Variants in IRAK2 observed in about 807,000 individuals in gnomAD.
IRAK2 encodes the protein interleukin-1 receptor-associated kinase-like 2.
IRAK2 carries 57 observed loss-of-function variants against 72.0 expected under a neutral mutation model. The ratio of observed to expected loss-of-function variants is 0.79; its 90% CI spans 0.64 to 0.99. The LOEUF is 0.99. IRAK2 is among the 50% of genes least tolerant of loss of function. The pLI, the probability that IRAK2 is intolerant of heterozygous loss-of-function variation, is 0.00. For missense variants in IRAK2, 790 were observed against 794.4 expected (o/e 0.99, Z 0.07); for synonymous variants, 293 against 312.7 (o/e 0.94, Z 0.67).
intron 4 of IRAK2, among the ~76,000 whole-genome samples, chr3:10,211,127 T>C (rs1470828802): frequency 1.3e-5 from 2 of 151,766 alleles, no homozygotes; most frequent in Admixed American, 1.3e-4. Context: ...CATCCCAAAG[T>C]GCTGGGATTA....
rs1293317610 is a variant in IRAK2 at position 10,242,445 on chromosome 3, T to C, written c.*217T>C. 8 of 360,232 alleles carry C rather than the reference T, an allele frequency of 2.2e-5. No individual in the cohort carries two copies. The highest frequency in any genetic ancestry group is 4.0e-5 in the Non-Finnish European group (8 of 197,690). The allele number at this position is 360,232 out of a possible 1,614,324, so 22.3% of individuals were successfully genotyped here. Reference sequence around the variant, plus strand: ...AAAATCCATGAAGTCTCTTCCTTTCTGGGCTTTGTTAGTCAGAGCAGGGGA... The same window carrying C: ...AAAATCCATGAAGTCTCTTCCTTTCCGGGCTTTGTTAGTCAGAGCAGGGGA... On this transcript the variant is annotated 3_prime_UTR_variant, in exon 13 of 13. Coordinates refer to ENST00000256458, the MANE Select transcript of IRAK2 (RefSeq NM_001570.4).
At chr3:10,190,443 G>A (rs1295723410) in intron 2 of IRAK2, among the ~76,000 whole-genome samples, 1 of 151,686 alleles carries the variant, frequency 6.6e-6, no homozygotes, top group Non-Finnish European at 1.5e-5. Context: ...ACCACGCCCA[G>A]CTAGAGGTTT....
At chr3:10,191,067 G>A (rs1214827630) in intron 2 of IRAK2, among the ~76,000 whole-genome samples, 1 of 152,106 alleles carries the variant, frequency 6.6e-6, no homozygotes, top group Non-Finnish European at 1.5e-5. Flanking sequence ...GGCCGAGGCC[G>A]GCGGATCACA....
chr3:10,176,538 C>T (rs1400652830), intron 1 of IRAK2, among the ~76,000 whole-genome samples: 2 of 151,890 alleles, frequency 1.3e-5, no homozygotes, highest in South Asian at 2.1e-4. Context: ...AGTGCAGTGG[C>T]GCGATCTTGG....
rs1424420063 is a variant in IRAK2, at chr3:10,231,862, C to G, written c.1273-2597C>G. On this transcript the variant is annotated intron_variant, in intron 10 of 12. Transcript: ENST00000256458. ...TTATTCTTGGCCGGGCACGGTGGCTCAAGCCTGTAATCCCAGCACTTTGGG... is the reference window on the plus strand; with the variant it reads ...TTATTCTTGGCCGGGCACGGTGGCTGAAGCCTGTAATCCCAGCACTTTGGG... 1.5e-4 allele frequency among the ~76,000 whole-genome samples: 23 copies of G among 151,954 alleles called. 1 individual carries two copies. Among genetic ancestry groups the G allele is most frequent in the Admixed American group, 1.5e-3 (23 of 15,266 alleles).
intron 12 of IRAK2, among the ~76,000 whole-genome samples, chr3:10,240,498 A>G (rs1559455376): frequency 2.3e-5 from 3 of 133,076 alleles, no homozygotes; most frequent in South Asian, 5.3e-4. Context: ...ACTCAGGTCC[A>G]AGGATACCAA....
intron 2 of IRAK2, among the ~76,000 whole-genome samples, chr3:10,184,953 G>GGTCTCA (rs1178403426): frequency 8.0e-5 from 12 of 149,290 alleles, no homozygotes; most frequent in Admixed American, 6.0e-4. Context: ...TAGCCAGGGT[G>GGTCTCA]ATCTCCTGAC....
chr3:10,199,880 T>C (rs990377262), intron 2 of IRAK2, among the ~76,000 whole-genome samples: 2 of 147,164 alleles, frequency 1.4e-5, no homozygotes, highest in African/African-American at 2.6e-5. Flanking sequence ...GTTCAGCCAC[T>C]GCTCTTTTTT....
intron 3 of IRAK2, among the ~76,000 whole-genome samples, chr3:10,202,362 G>A (rs1458628212): frequency 1.1e-4 from 16 of 152,134 alleles, no homozygotes; most frequent in South Asian, 2.1e-4. Flanking sequence ...GGTAGCTCAT[G>A]CCTGTAATCC....
At chr3:10,234,189 T>G (rs539738238) in intron 10 of IRAK2, among the ~76,000 whole-genome samples, 1 of 152,112 alleles carries the variant, frequency 6.6e-6, no homozygotes, top group East Asian at 1.9e-4. Context: ...GTTGTTCCCA[T>G]TTTCCTGATG....
At chr3:10,228,638 T>C (rs1317083022) in intron 10 of IRAK2, among the ~76,000 whole-genome samples, 1 of 152,234 alleles carries the variant, frequency 6.6e-6, no homozygotes, top group African/African-American at 2.4e-5. Context: ...CTTTCTCTTA[T>C]TCTAGACTCT....
intron 4 of IRAK2, among the ~76,000 whole-genome samples, chr3:10,210,931 T>A (rs1009472827): frequency 6.6e-6 from 1 of 152,040 alleles, no homozygotes; most frequent in Admixed American, 6.6e-5. Flanking sequence ...ACGATCTTGG[T>A]CACTGTAACC....
At chr3:10,182,857 G>A (rs1421729039) in intron 2 of IRAK2, among the ~76,000 whole-genome samples, 3 of 150,722 alleles carry the variant, frequency 2.0e-5, no homozygotes, top group Admixed American at 6.6e-5. Context: ...TGCAACCTCT[G>A]CTTCTGGAGT....
At chr3:10,232,970 G>A (rs1697881466) in intron 10 of IRAK2, among the ~76,000 whole-genome samples, 1 of 152,128 alleles carries the variant, frequency 6.6e-6, no homozygotes, top group Admixed American at 6.6e-5. Flanking sequence ...AGGCTGAGGT[G>A]GGAGGATCGA....
chr3:10,188,588 G>A (rs371891343), intron 2 of IRAK2, among the ~76,000 whole-genome samples: 9 of 150,386 alleles, frequency 6.0e-5, no homozygotes, highest in East Asian at 1.9e-4. Context: ...GTGCAATAGC[G>A]CAATCTCGGC....
At chr3:10,223,687 C>T (rs1697729727) in intron 9 of IRAK2, among the ~76,000 whole-genome samples, 1 of 152,222 alleles carries the variant, frequency 6.6e-6, no homozygotes, top group Admixed American at 6.5e-5. Flanking sequence ...ACTATGGAAC[C>T]TTGTGTTCTC....
At chr3:10,215,751 TACACACACACACAC>T (rs145978380) in intron 6 of IRAK2, among the ~76,000 whole-genome samples, 3 of 150,026 alleles carry the variant, frequency 2.0e-5, no homozygotes, top group African/African-American at 7.4e-5. Flanking sequence ...CTCACATGTG[TACACACACACACAC>T]ACACACACAG....
intron 8 of IRAK2, among the ~76,000 whole-genome samples, chr3:10,222,313 C>CT (rs1697710241): frequency 6.6e-6 from 1 of 152,160 alleles, no homozygotes; most frequent in African/African-American, 2.4e-5. Context: ...GTGGAAGAGA[C>CT]TGAGTCTGCA....
At chr3:10,182,922 C>T (rs1483655851) in intron 2 of IRAK2, among the ~76,000 whole-genome samples, 2 of 151,690 alleles carry the variant, frequency 1.3e-5, no homozygotes, top group Non-Finnish European at 2.9e-5. Context: ...AGGTGTGCCC[C>T]GCTGCATCTG....
Sources: gnomAD v4.1 joint callset for allele counts (sites outside exome capture counted in the v4.1 genomes callset) on GRCh38, gnomAD v4.1.1 for gene constraint, MANE v1.5 for transcripts, NCBI Gene and HGNC (gene_info 2026-07-23, HGNC 2026-07-21) for gene names.